IL1RAPL2: variants seen among roughly 807,000 people sequenced by gnomAD.
IL1RAPL2 encodes the protein X-linked interleukin-1 receptor accessory protein-like 2.
IL1RAPL2 carries 3 observed loss-of-function variants against 44.1 expected under a neutral mutation model. The observed-to-expected ratio is 0.07, with a 90% confidence interval of 0.03 to 0.18. The LOEUF (loss-of-function observed/expected upper bound fraction) is 0.18. Among genes scored for constraint, IL1RAPL2 ranks in the 10% least tolerant of loss-of-function variants. IL1RAPL2 has a pLI of 1.00. For missense variants in IL1RAPL2, 391 were observed against 496.4 expected (o/e 0.79, Z 2.02); for synonymous variants, 181 against 178.8 (o/e 1.01, Z -0.10).
At chrX:105,336,019 T>A (rs753251586) in intron 5 of IL1RAPL2, among the ~76,000 whole-genome samples, 8 of 112,322 alleles carry the variant, frequency 7.1e-5, no homozygotes, top group Non-Finnish European at 1.3e-4. Flanking sequence ...TGTTTCTCAT[T>A]TGAAACTTTC....
rs182088055 is a variant in IL1RAPL2 at position 104,892,151 on chromosome X, G to C, written c.82+233156G>C. ...TGCATCCCAGGGATGAAGCCCACTTGATCATGGTGGATAAGCTTTTTGATG... is the reference window on the plus strand; with the variant it reads ...TGCATCCCAGGGATGAAGCCCACTTCATCATGGTGGATAAGCTTTTTGATG... On this transcript the variant is annotated intron_variant, in intron 2 of 10. Transcript: ENST00000372582. Among the ~76,000 whole-genome samples, 3 of 111,544 alleles carry C rather than the reference G, an allele frequency of 2.7e-5. No individual in the cohort carries two copies. The East Asian group carries it at 8.5e-4, about 32-fold the overall frequency.
chrX:104,897,219 C>G (rs970739898), intron 2 of IL1RAPL2, among the ~76,000 whole-genome samples: 12 of 112,018 alleles, frequency 1.1e-4, no homozygotes, highest in African/African-American at 3.9e-4. Flanking sequence ...TCTGAAGGCT[C>G]AAGAGAGCTG....
At chrX:105,383,315 A>G (rs2147725158) in intron 5 of IL1RAPL2, among the ~76,000 whole-genome samples, 1 of 111,093 alleles carries the variant, frequency 9.0e-6, no homozygotes, top group Non-Finnish European at 1.9e-5. Context: ...TCTACATGAA[A>G]TCATGTTTTA....
At chrX:105,208,740 T>G (rs2033784995) in intron 3 of IL1RAPL2, among the ~76,000 whole-genome samples, 3 of 112,059 alleles carry the variant, frequency 2.7e-5, no homozygotes, top group Admixed American at 1.9e-4. Flanking sequence ...ATATACATTT[T>G]TAATTTTTTA....
intron 2 of IL1RAPL2, among the ~76,000 whole-genome samples, chrX:105,160,917 C>T (rs908277131): frequency 9.0e-6 from 1 of 111,708 alleles, no homozygotes; most frequent in Non-Finnish European, 1.9e-5. Flanking sequence ...GGATTGTAAT[C>T]TCTAGATAGG....
At chrX:104,982,186 T>C (rs2030454403) in intron 2 of IL1RAPL2, among the ~76,000 whole-genome samples, 1 of 110,612 alleles carries the variant, frequency 9.0e-6, no homozygotes, top group Non-Finnish European at 1.9e-5. Flanking sequence ...TGTTCATTAA[T>C]ACCCCTTATA....
intron 2 of IL1RAPL2, among the ~76,000 whole-genome samples, chrX:104,698,094 C>G (rs1056348989): frequency 1.8e-5 from 2 of 112,498 alleles, no homozygotes; most frequent in Admixed American, 9.4e-5. Context: ...CGGCTGTTGG[C>G]TAGAGGCTAG....
At chrX:104,878,328 C>G (rs910241413) in intron 2 of IL1RAPL2, among the ~76,000 whole-genome samples, 14 of 111,935 alleles carry the variant, frequency 1.3e-4, no homozygotes, top group Non-Finnish European at 2.4e-4. Context: ...GATGATTTGT[C>G]AAGCACTTTA....
chrX:104,993,029 C>T (rs1024346958), intron 2 of IL1RAPL2, among the ~76,000 whole-genome samples: 2 of 111,427 alleles, frequency 1.8e-5, no homozygotes, highest in African/African-American at 6.5e-5. Flanking sequence ...GTAAATCGAG[C>T]AGAGTCACTT....
intron 2 of IL1RAPL2, among the ~76,000 whole-genome samples, chrX:104,883,880 C>T (rs1413763992): frequency 8.9e-6 from 1 of 111,770 alleles, no homozygotes; most frequent in Non-Finnish European, 1.9e-5. Context: ...CCTTCCTATT[C>T]ATATAAGTGA....
At chrX:104,879,423 G>A (rs1350626265) in intron 2 of IL1RAPL2, among the ~76,000 whole-genome samples, 4 of 95,203 alleles carry the variant, frequency 4.2e-5, no homozygotes, top group Non-Finnish European at 6.1e-5. Flanking sequence ...GAAATTGACA[G>A]CACTTTGGTG....
In IL1RAPL2 at chrX:105,603,665, C is replaced by T. The variant is rs1602485670; in HGVS notation, c.773-113702C>T. Reference sequence around the variant, plus strand: ...ACAAAGAGACATCAGTCTTAAATTACAATATAGACCAAATGGATCTAACAG... The same window carrying T: ...ACAAAGAGACATCAGTCTTAAATTATAATATAGACCAAATGGATCTAACAG... On this transcript the variant is annotated intron_variant, in intron 6 of 10. Coordinates refer to ENST00000372582, the MANE Select transcript of IL1RAPL2 (RefSeq NM_017416.2). Among the ~76,000 whole-genome samples the T allele has an allele frequency of 2.7e-5, 3 of 111,402 alleles. No homozygotes were observed. The South Asian group carries it at 1.1e-3, about 41-fold the overall frequency.
chrX:105,447,877 T>A (rs1424592205), intron 5 of IL1RAPL2, among the ~76,000 whole-genome samples: 1 of 93,163 alleles, frequency 1.1e-5, no homozygotes, highest in African/African-American at 3.9e-5. Context: ...ATATTATACA[T>A]ATAAATATAT....
At chrX:104,983,555 C>CATA (rs748568861) in intron 2 of IL1RAPL2, among the ~76,000 whole-genome samples, 4,521 of 85,479 alleles carry the variant, frequency 0.053, 21 homozygotes, top group African/African-American at 0.059. Context: ...ATATTATAGA[C>CATA]ATATTATATA....
At chrX:105,613,651 T>A (rs556169777) in intron 6 of IL1RAPL2, among the ~76,000 whole-genome samples, 17 of 111,305 alleles carry the variant, frequency 1.5e-4, no homozygotes, top group African/African-American at 5.6e-4. Flanking sequence ...CACCACAAGC[T>A]CATTAAAGAG....
chrX:105,738,759 T>C (rs974728233), intron 7 of IL1RAPL2, among the ~76,000 whole-genome samples: 1 of 110,385 alleles, frequency 9.1e-6, no homozygotes, highest in Non-Finnish European at 1.9e-5. Flanking sequence ...GGAGGCGCAC[T>C]CTTCAGGAAA....
chrX:104,582,586 C>G (rs973533332), intron 1 of IL1RAPL2, among the ~76,000 whole-genome samples: 1 of 28,648 alleles, frequency 3.5e-5, no homozygotes, highest in African/African-American at 1.1e-4. Context: ...CTTTTTCTTT[C>G]TTTCTTTCTT....
chrX:104,823,871 C>G (rs754279752), intron 2 of IL1RAPL2, among the ~76,000 whole-genome samples: 1 of 112,038 alleles, frequency 8.9e-6, no homozygotes, highest in Non-Finnish European at 1.9e-5. Context: ...TATTTGCATA[C>G]CGTTTATTTC....
At chrX:104,989,773 A>G (rs1274443707) in intron 2 of IL1RAPL2, among the ~76,000 whole-genome samples, 1 of 111,695 alleles carries the variant, frequency 9.0e-6, no homozygotes, top group African/African-American at 3.3e-5. Flanking sequence ...TTCCCAAACC[A>G]TTTCAGACTA....
Sources: gnomAD v4.1 joint callset for allele counts (sites outside exome capture counted in the v4.1 genomes callset) on GRCh38, gnomAD v4.1.1 for gene constraint, MANE v1.5 for transcripts, NCBI Gene and HGNC (gene_info 2026-07-23, HGNC 2026-07-21) for gene names.